Variants in ZNF532 observed in about 807,000 individuals in gnomAD.
The protein encoded by ZNF532 is zinc finger protein 532.
Under a neutral mutation model 89.3 loss-of-function variants are expected in ZNF532, and 22 were observed. The ratio of observed to expected loss-of-function variants is 0.25; its 90% CI spans 0.18 to 0.35. The LOEUF is 0.35. ZNF532 is among the 10% of genes least tolerant of loss of function. The probability of loss-of-function intolerance (pLI) is 1.00; values close to 1 mark genes in which losing one functional copy is unlikely to be tolerated. For missense variants in ZNF532, 1,132 were observed against 1,643.4 expected (o/e 0.69, Z 5.38); for synonymous variants, 606 against 649.6 (o/e 0.93, Z 1.02).
At chr18:58,875,600 C>T (rs1028620322) in intron 2 of ZNF532, among the ~76,000 whole-genome samples, 2 of 152,132 alleles carry the variant, frequency 1.3e-5, no homozygotes, top group Admixed American at 1.3e-4. Flanking sequence ...TTGGTGTTTG[C>T]TTCATTATGG....
chr18:58,959,260 G>GTTTTTTTTTTTTT (rs1459830009), intron 7 of ZNF532, among the ~76,000 whole-genome samples: 5 of 128,698 alleles, frequency 3.9e-5, no homozygotes, highest in African/African-American at 1.6e-4. Context: ...TTTGTTTTTT[G>GTTTTTTTTTTTTT]TTTTTTTTTG....
intron 2 of ZNF532, among the ~76,000 whole-genome samples, chr18:58,890,336 T>A (rs926540375): frequency 1.3e-5 from 2 of 151,958 alleles, no homozygotes; most frequent in African/African-American, 2.4e-5. Flanking sequence ...GGTTAGTACT[T>A]AACTGTTACA....
intron 3 of ZNF532, among the ~76,000 whole-genome samples, chr18:58,933,844 C>T (rs1412395864): frequency 2.0e-5 from 3 of 152,030 alleles, no homozygotes; most frequent in South Asian, 4.2e-4. Flanking sequence ...TATACTTGAA[C>T]TTGAGTTCCT....
chr18:58,929,466 C>T (rs770588483), intron 3 of ZNF532, among the ~76,000 whole-genome samples: 13 of 152,188 alleles, frequency 8.5e-5, no homozygotes, highest in Non-Finnish European at 1.6e-4. Context: ...TCCCCTCCGC[C>T]GTCTCCCAAA....
At chr18:58,978,592 T>G (rs913385774) in intron 7 of ZNF532, among the ~76,000 whole-genome samples, 3 of 152,196 alleles carry the variant, frequency 2.0e-5, no homozygotes, top group Non-Finnish European at 4.4e-5. Context: ...AGCCCCATCA[T>G]GGTTACCTCA....
At chr18:58,894,578 G>A (rs1194823746) in intron 2 of ZNF532, among the ~76,000 whole-genome samples, 4 of 152,132 alleles carry the variant, frequency 2.6e-5, no homozygotes, top group East Asian at 3.9e-4. Flanking sequence ...ACCATGGCTC[G>A]TTGTGGGTAT....
At chr18:58,971,284 A>T (rs1350447206) in intron 7 of ZNF532, among the ~76,000 whole-genome samples, 2 of 152,222 alleles carry the variant, frequency 1.3e-5, no homozygotes, top group Non-Finnish European at 2.9e-5. Context: ...CATATGAAAA[A>T]AAAGCATTCT....
At chr18:58,924,563 G>A (rs186071517) in intron 3 of ZNF532, among the ~76,000 whole-genome samples, 35 of 152,282 alleles carry the variant, frequency 2.3e-4, no homozygotes, top group Middle Eastern at 3.4e-3. Context: ...CTTCATTAGC[G>A]GAGGGACCTC....
chr18:58,898,581 C>T (rs1034518656), intron 2 of ZNF532, among the ~76,000 whole-genome samples: 9 of 152,334 alleles, frequency 5.9e-5, no homozygotes, highest in African/African-American at 1.4e-4. Context: ...AGCCAGGCCC[C>T]GGAGTCTGCC....
chr18:58,968,546 C>G (rs767889352), intron 7 of ZNF532, among the ~76,000 whole-genome samples: 12 of 152,210 alleles, frequency 7.9e-5, no homozygotes, highest in Non-Finnish European at 1.6e-4. Flanking sequence ...CTCCCTGAAC[C>G]TTCTCCCTTG....
At position 58,950,242 on chromosome 18, in the gene ZNF532, A is replaced by T. The variant is rs918525660; in HGVS notation, c.2868+2013A>T. 7.2e-5 allele frequency among the ~76,000 whole-genome samples: 11 copies of T among 152,288 alleles called. No homozygotes were observed. The East Asian group carries it at 2.1e-3, about 29-fold the overall frequency. The stretch of plus-strand genomic sequence containing the variant: ...TAGGGTCTTCCTTGTGTTAATAGTG[A>T]ATTTGGAGGAATACAAGGTTCCAAG... On this transcript the variant is annotated intron_variant, in intron 6 of 9. Coordinates refer to ENST00000591808, the MANE Select transcript of ZNF532 (RefSeq NM_001375912.1).
Position 58,918,411 on chromosome 18 carries a change from A to G in ZNF532, c.124A>G (p.Lys42Glu). 6.2e-7 allele frequency: 1 copy of G among 1,614,170 alleles called. No individual in the cohort carries two copies. The highest frequency in any genetic ancestry group is 1.1e-5 in the South Asian group (1 of 91,074). ...ACACGATGACCATGAAAGCCACATG[A>G]AGCAGAATGCTCACGGAGAGGATGA... ...SGHDDHESHMKQNAHGEDDSH... is the reference protein window; with the variant it reads ...SGHDDHESHMEQNAHGEDDSH... Residue 42 changes from lysine to glutamate, a missense_variant, in exon 3 of 10, where the codon AAG (lysine) becomes GAG (glutamate). Physicochemically the swap from Lys to Glu is moderately conservative, Grantham distance 56. This residue lies in a region of ZNF532 where 302 missense variants were observed against 319.8 expected (regional missense o/e 0.94). Coordinates refer to ENST00000591808, the MANE Select transcript of ZNF532 (RefSeq NM_001375912.1).
chr18:58,863,006 G>C (rs551596545), upstream of ZNF532: 2 of 152,294 alleles, frequency 1.3e-5, no homozygotes, highest in South Asian at 4.1e-4. Flanking sequence ...CACCTCCAGG[G>C]AGAATTTCAG....
rs541055128 is a variant in ZNF532, at chr18:58,916,574, A to G, written c.-17-1697A>G. ...CTGAGTAAGCCATCGAAAGAAAAGC[A>G]CATGTGACTTCTTCAGCTCGGTATT... On this transcript the variant is annotated intron_variant, in intron 2 of 9. Coordinates refer to ENST00000591808, the MANE Select transcript of ZNF532 (RefSeq NM_001375912.1). The G allele has an allele frequency of 9.8e-5, 32 of 325,500 alleles. 1 individual carries two copies. In the South Asian group the frequency reaches 3.4e-3, roughly 35 times the overall value. 20.2% of individuals were successfully genotyped at this position (325,500 alleles called of 1,614,324 possible).
At chr18:58,966,861 T>TGCTATAAACAAGGTTGAAGG (rs2065976102) in intron 7 of ZNF532, among the ~76,000 whole-genome samples, 2 of 151,944 alleles carry the variant, frequency 1.3e-5, no homozygotes, top group Non-Finnish European at 2.9e-5. Context: ...CACCCGAGGT[T>TGCTATAAACAAGGTTGAAGG]GCTATAAACA....
intron 3 of ZNF532, among the ~76,000 whole-genome samples, chr18:58,928,496 A>T (rs1482759602): frequency 6.6e-6 from 1 of 152,168 alleles, no homozygotes; most frequent in East Asian, 1.9e-4. Context: ...TCTCTGCCAT[A>T]CATTCCCAAA....
chr18:58,870,384 G>C (rs2056880048), intron 2 of ZNF532, among the ~76,000 whole-genome samples: 1 of 152,164 alleles, frequency 6.6e-6, no homozygotes, highest in Non-Finnish European at 1.5e-5. Context: ...AGACTGGTAA[G>C]AATATGTGAG....
chr18:58,936,300 G>T (rs944228483), intron 4 of ZNF532, among the ~76,000 whole-genome samples: 2 of 152,146 alleles, frequency 1.3e-5, no homozygotes, highest in East Asian at 3.8e-4. Context: ...TTGCCATCAC[G>T]TTTTGAAACT....
upstream of ZNF532, chr18:58,864,352 G>C (rs1244394884): frequency 6.6e-6 from 1 of 151,762 alleles, no homozygotes; most frequent in Non-Finnish European, 1.5e-5. Context: ...CAGCAGAGAG[G>C]AGCCTGGTCA....
Sources: gnomAD v4.1 joint callset for allele counts (sites outside exome capture counted in the v4.1 genomes callset) on GRCh38, gnomAD v4.1.1 for gene constraint, gnomAD v4.1.1 regional missense constraint, MANE v1.5 for transcripts, NCBI Gene and HGNC (gene_info 2026-07-23, HGNC 2026-07-21) for gene names.